Variants in ARHGAP15 observed in about 807,000 individuals in gnomAD.
ARHGAP15 encodes Rho GTPase activating protein 15.
A neutral mutation model predicts 63.7 loss-of-function variants in ARHGAP15; 51 were observed. That is an observed-to-expected ratio of 0.80 (90% CI 0.64 to 1.01). The LOEUF is 1.01. Ranked by LOEUF, ARHGAP15 falls within the 50% of genes least tolerant of loss-of-function variation. The pLI, the probability that ARHGAP15 is intolerant of heterozygous loss-of-function variation, is 0.00. For missense variants in ARHGAP15, 560 were observed against 564.6 expected (o/e 0.99, Z 0.08); for synonymous variants, 191 against 193.8 (o/e 0.99, Z 0.12).
At chr2:143,307,393 G>C (rs1236488012) in intron 6 of ARHGAP15, among the ~76,000 whole-genome samples, 1 of 152,076 alleles carries the variant, frequency 6.6e-6, no homozygotes, top group Non-Finnish European at 1.5e-5. Flanking sequence ...TACCATATTA[G>C]AATTTTGCTT....
At chr2:143,664,913 T>C (rs1266447306) in intron 12 of ARHGAP15, among the ~76,000 whole-genome samples, 3 of 151,798 alleles carry the variant, frequency 2.0e-5, no homozygotes, top group Non-Finnish European at 4.4e-5. Flanking sequence ...GCTGAAATTG[T>C]GGCAATAATC....
At chr2:143,527,277 G>A (rs2105005188) in intron 10 of ARHGAP15, among the ~76,000 whole-genome samples, 1 of 152,034 alleles carries the variant, frequency 6.6e-6, no homozygotes, top group East Asian at 1.9e-4. Context: ...TTTTGTACAG[G>A]ATATTTAGAA....
chr2:143,606,035 C>CAAAAAAAAAAAAAAAAAA lies in ARHGAP15; in HGVS notation c.1004-18080_1004-18063dup, dbSNP rs869266541. Among the ~76,000 whole-genome samples the CAAAAAAAAAAAAAAAAAA allele has an allele frequency of 7.4e-4, 17 of 22,870 alleles. 3 individuals carry two copies. The highest frequency in any genetic ancestry group is 9.6e-3 in the South Asian group (2 of 208). 15.0% of individuals were successfully genotyped at this position (22,870 alleles called of 152,430 possible). ...TGGGCGCCAGAGCAAGACTCTGTCT[C>CAAAAAAAAAAAAAAAAAA]AAAAAAAAAAAAAAAAAAAAAAAAA... On this transcript the variant is annotated intron_variant, in intron 11 of 13. Transcript: ENST00000295095.
intron 1 of ARHGAP15, among the ~76,000 whole-genome samples, chr2:143,141,314 C>A (rs774906551): frequency 7.2e-5 from 11 of 152,022 alleles, no homozygotes; most frequent in East Asian, 1.9e-4. Context: ...AGTACTAATT[C>A]TGAAACCAGT....
intron 5 of ARHGAP15, among the ~76,000 whole-genome samples, chr2:143,238,552 G>A (rs1026664131): frequency 6.6e-6 from 1 of 152,144 alleles, no homozygotes; most frequent in Non-Finnish European, 1.5e-5. Flanking sequence ...AACAGGTGCT[G>A]GTGAGGTTGC....
chr2:143,321,763 C>T (rs972685535), intron 6 of ARHGAP15, among the ~76,000 whole-genome samples: 2 of 152,194 alleles, frequency 1.3e-5, no homozygotes, highest in South Asian at 2.1e-4. Context: ...ATGGCACTGT[C>T]ACAGCTCTCT....
chr2:143,673,750 GTGTGTGTGTATA>G (rs1374048434), intron 12 of ARHGAP15, among the ~76,000 whole-genome samples: 5 of 34,632 alleles, frequency 1.4e-4, no homozygotes, highest in Non-Finnish European at 3.7e-4. Context: ...GTGTGTGTGT[GTGTGTGTGTATA>G]TATATATATA....
At chr2:143,725,676 T>C (rs1685241949) in intron 13 of ARHGAP15, among the ~76,000 whole-genome samples, 1 of 152,242 alleles carries the variant, frequency 6.6e-6, no homozygotes, top group Non-Finnish European at 1.5e-5. Context: ...CCTTAAGACC[T>C]TCCTCAAGAT....
At chr2:143,243,230 G>C (rs1206223923) in intron 5 of ARHGAP15, among the ~76,000 whole-genome samples, 1 of 151,962 alleles carries the variant, frequency 6.6e-6, no homozygotes, top group Non-Finnish European at 1.5e-5. Flanking sequence ...TAATCCCACA[G>C]GTTTAATCTA....
At chr2:143,519,739 C>T (rs1410356382) in intron 10 of ARHGAP15, among the ~76,000 whole-genome samples, 2 of 152,188 alleles carry the variant, frequency 1.3e-5, no homozygotes, top group East Asian at 3.8e-4. Context: ...AAGCCCCCAA[C>T]ATTACCCAAG....
intron 6 of ARHGAP15, among the ~76,000 whole-genome samples, chr2:143,330,345 C>T (rs1684492007): frequency 6.6e-6 from 1 of 151,790 alleles, no homozygotes; most frequent in Admixed American, 6.6e-5. Flanking sequence ...ACTATCCTAA[C>T]ATTTTCCCAT....
At position 143,437,040 on chromosome 2, in the gene ARHGAP15, T is replaced by C. The variant is rs1254236986; in HGVS notation, c.701T>C (p.Leu234Ser). 6.3e-7 allele frequency: 1 copy of C among 1,593,652 alleles called. No individual in the cohort carries two copies. Among genetic ancestry groups the C allele is most frequent in the Admixed American group, 1.9e-5 (1 of 53,374 alleles). The change falls in exon 8 of 14, where the codon TTA (leucine) becomes TCA (serine). Residue 234 changes from leucine (L) to serine (S), a missense_variant and splice_region_variant. Transcript: ENST00000295095. ...KEQKPEHRKS[L>S]MFRLHHSASD... Reference sequence around the variant, plus strand: ...CAGAAACCAGAGCACAGAAAATCTTTAAGTGAGTATTTTCTTTGACTTGCT... The same window carrying C: ...CAGAAACCAGAGCACAGAAAATCTTCAAGTGAGTATTTTCTTTGACTTGCT...
rs868118476 is a variant in ARHGAP15, at chr2:143,193,604, A to G, written c.166-8530A>G. ...GATACTGAGGACATTCAATATGCTT[A>G]TTTTAAATCTTTGACTGAGAACCTG... On this transcript the variant is annotated intron_variant, in intron 2 of 13. Coordinates refer to ENST00000295095, the MANE Select transcript of ARHGAP15 (RefSeq NM_018460.4). The G allele has an allele frequency of 6.6e-5, 10 of 152,602 alleles. No homozygotes were observed. In the South Asian group the frequency reaches 8.3e-4, roughly 13 times the overall value. 9.5% of individuals were successfully genotyped at this position (152,602 alleles called of 1,614,324 possible). A position where few individuals can be genotyped will look rare whatever the true frequency, so the allele number is the denominator to read the frequency against.
intron 12 of ARHGAP15, among the ~76,000 whole-genome samples, chr2:143,630,909 A>G (rs1202040668): frequency 6.6e-6 from 1 of 152,064 alleles, no homozygotes. Flanking sequence ...TTGCACCACA[A>G]CCAGGAAAAA....
intron 6 of ARHGAP15, among the ~76,000 whole-genome samples, chr2:143,264,940 A>G (rs1680915543): frequency 6.6e-6 from 1 of 152,044 alleles, no homozygotes; most frequent in Non-Finnish European, 1.5e-5. Flanking sequence ...TCATCTGGTC[A>G]TGTAGCTTTT....
chr2:143,701,006 C>T (rs573548024), intron 12 of ARHGAP15, among the ~76,000 whole-genome samples: 9 of 152,036 alleles, frequency 5.9e-5, no homozygotes, highest in South Asian at 2.1e-4. Flanking sequence ...TTCTCTTTCT[C>T]GCTCCCCTTT....
At chr2:143,743,497 C>T (rs1161129000) in intron 13 of ARHGAP15, among the ~76,000 whole-genome samples, 2 of 152,142 alleles carry the variant, frequency 1.3e-5, no homozygotes, top group African/African-American at 4.8e-5. Context: ...TCTTTCCCTG[C>T]CTGTGGCCTG....
chr2:143,257,708 C>A (rs1026418548), intron 6 of ARHGAP15, among the ~76,000 whole-genome samples: 5 of 152,086 alleles, frequency 3.3e-5, no homozygotes, highest in African/African-American at 1.2e-4. Context: ...AACGCACTTT[C>A]TCTGTTTTCC....
At chr2:143,535,930 TA>T (rs1694734905) in intron 10 of ARHGAP15, among the ~76,000 whole-genome samples, 1 of 152,212 alleles carries the variant, frequency 6.6e-6, no homozygotes, top group Non-Finnish European at 1.5e-5. Flanking sequence ...TAGTTTTTTT[TA>T]AATTTGTGGA....
Sources: gnomAD v4.1 joint callset for allele counts (sites outside exome capture counted in the v4.1 genomes callset) on GRCh38, gnomAD v4.1.1 for gene constraint, MANE v1.5 for transcripts, NCBI Gene and HGNC (gene_info 2026-07-23, HGNC 2026-07-21) for gene names.